The following GLDN variants were observed in gnomAD, a reference collection of about 807,000 sequenced individuals.
The protein encoded by GLDN is gliomedin.
Under a neutral mutation model 56.5 loss-of-function variants are expected in GLDN, and 47 were observed. The ratio of observed to expected loss-of-function variants is 0.83; its 90% confidence interval spans 0.66 to 1.06. GLDN has a LOEUF of 1.06. Among genes scored for constraint, GLDN ranks in the 50% least tolerant of loss-of-function variants. The probability of loss-of-function intolerance (pLI) is 0.00; values close to 1 mark genes in which losing one functional copy is unlikely to be tolerated. For missense variants in GLDN, 782 were observed against 714.3 expected (o/e 1.09, Z -1.08); for synonymous variants, 332 against 278.8 (o/e 1.19, Z -1.90).
At chr15:51,359,214 C>T (rs950747606) in intron 1 of GLDN, among the ~76,000 whole-genome samples, 1 of 152,188 alleles carries the variant, frequency 6.6e-6, no homozygotes, top group African/African-American at 2.4e-5. Context: ...CTTTTTCCCT[C>T]TCAGACTTAA....
chr15:51,380,994 C>G (rs888333923), intron 2 of GLDN, among the ~76,000 whole-genome samples: 4 of 152,164 alleles, frequency 2.6e-5, no homozygotes, highest in Non-Finnish European at 5.9e-5. Context: ...CACTCTAAAT[C>G]CAAACTGAAT....
At chr15:51,362,466 C>T (rs2037318448) in intron 1 of GLDN, among the ~76,000 whole-genome samples, 1 of 133,280 alleles carries the variant, frequency 7.5e-6, no homozygotes, top group Admixed American at 8.4e-5. Flanking sequence ...GCCTGGGTGA[C>T]AGAGCGAGAC....
Position 51,397,458 on chromosome 15 carries a change from C to A in GLDN, c.689-12C>A. 1 of 1,431,428 alleles carries A rather than the reference C, an allele frequency of 7.0e-7. No individual in the cohort carries two copies. 88.7% of individuals were successfully genotyped at this position (1,431,428 alleles called of 1,614,324 possible). Reference sequence around the variant, plus strand: ...TGCCTCCTTCTCTCCCTTTCTCTCTCTCTCTCTCCAGGTGCCAAAGGTGAC... The same window carrying A: ...TGCCTCCTTCTCTCCCTTTCTCTCTATCTCTCTCCAGGTGCCAAAGGTGAC... On this transcript the variant is annotated splice_polypyrimidine_tract_variant and intron_variant, in intron 5 of 9. Coordinates refer to ENST00000335449, the MANE Select transcript of GLDN (RefSeq NM_181789.4).
intron 1 of GLDN, chr15:51,369,236 A>G (rs978032850): frequency 1.1e-4 from 17 of 152,266 alleles, no homozygotes; most frequent in African/African-American, 3.6e-4. Context: ...GGTAAGGTGA[A>G]TTATCATCTC....
At chr15:51,378,085 A>T (rs1595821420) in intron 2 of GLDN, among the ~76,000 whole-genome samples, 1 of 152,280 alleles carries the variant, frequency 6.6e-6, no homozygotes, top group East Asian at 1.9e-4. Context: ...TTTTTCCCCA[A>T]TATTTCCCCC....
chr15:51,403,014 G>A (rs1193556445), intron 9 of GLDN, among the ~76,000 whole-genome samples: 1 of 152,200 alleles, frequency 6.6e-6, no homozygotes, highest in South Asian at 2.1e-4. Context: ...ATGTTATATA[G>A]GGCTATTGCC....
chr15:51,388,033 G>T (rs1374649090), intron 4 of GLDN, among the ~76,000 whole-genome samples: 2 of 152,126 alleles, frequency 1.3e-5, no homozygotes, highest in Non-Finnish European at 1.5e-5. Flanking sequence ...GAGTAGACTG[G>T]GGTGGGACTA....
At chr15:51,360,662 G>A (rs1312596680) in intron 1 of GLDN, 1 of 152,252 alleles carries the variant, frequency 6.6e-6, no homozygotes, top group Non-Finnish European at 1.5e-5. Flanking sequence ...GGGGTCCTAG[G>A]ACAGCCAATA....
chr15:51,403,971 G>T (rs2038312033), intron 9 of GLDN, among the ~76,000 whole-genome samples: 1 of 152,150 alleles, frequency 6.6e-6, no homozygotes, highest in South Asian at 2.1e-4. Flanking sequence ...GTGAAGTGGG[G>T]GTCACATGGC....
chr15:51,386,036 A>G (rs2037883997), intron 4 of GLDN, among the ~76,000 whole-genome samples: 1 of 152,180 alleles, frequency 6.6e-6, no homozygotes, highest in African/African-American at 2.4e-5. Context: ...GGAGCAGAGG[A>G]CAGCAGCAGA....
At position 51,383,439 on chromosome 15, in the gene GLDN, C is replaced by T. The variant is rs139274338; in HGVS notation, c.419C>T (p.Pro140Leu). 1.7e-4 allele frequency: 281 copies of T among 1,614,000 alleles called. 1 individual carries two copies. In the African/African-American group the frequency reaches 3.4e-3, roughly 20 times the overall value. ...NSTKGICLTG[P>L]SGPPGPPGAG... ...CTAAATTTTTTTTCCGTTGTAGGAC[C>T]TTCTGGACCACCAGGTAAGAGCCCA... The change falls in exon 3 of 10, where the codon CCT becomes CTT. Residue 140 changes from proline to leucine, a missense_variant. Coordinates refer to ENST00000335449, the MANE Select transcript of GLDN (RefSeq NM_181789.4).
At chr15:51,356,368 T>C (rs1465275993) in intron 1 of GLDN, among the ~76,000 whole-genome samples, 1 of 152,032 alleles carries the variant, frequency 6.6e-6, no homozygotes, top group Non-Finnish European at 1.5e-5. Context: ...AGGATGGTGG[T>C]GCTATGGACA....
At position 51,357,849 on chromosome 15, in the gene GLDN, G is replaced by A. The variant is rs546458681; in HGVS notation, c.363+15802G>A. Among the ~76,000 whole-genome samples the A allele has an allele frequency of 1.6e-4, 25 of 152,234 alleles. 1 individual carries two copies. The South Asian group carries it at 5.2e-3, about 32-fold the overall frequency. Reference sequence around the variant, plus strand: ...TTTAAGAATCATCTTTGGGCTAGGAGCCTAAGTTGAGGGAGGTGAAAATCC... The same window carrying A: ...TTTAAGAATCATCTTTGGGCTAGGAACCTAAGTTGAGGGAGGTGAAAATCC... On this transcript the variant is annotated intron_variant, in intron 1 of 9. Coordinates refer to ENST00000335449, the MANE Select transcript of GLDN (RefSeq NM_181789.4).
At chr15:51,349,833 G>C (rs1287514510) in intron 1 of GLDN, among the ~76,000 whole-genome samples, 2 of 151,646 alleles carry the variant, frequency 1.3e-5, no homozygotes. Flanking sequence ...TCTGCCTCCT[G>C]AGTTCAAGCG....
At chr15:51,365,956 C>T (rs189459135) in intron 1 of GLDN, among the ~76,000 whole-genome samples, 46 of 152,286 alleles carry the variant, frequency 3.0e-4, no homozygotes, top group African/African-American at 1.1e-3. Context: ...CTTTAAGAAA[C>T]AATTGTCCAG....
chr15:51,343,910 C>A (rs2036931518), intron 1 of GLDN, among the ~76,000 whole-genome samples: 1 of 152,224 alleles, frequency 6.6e-6, no homozygotes, highest in Admixed American at 6.5e-5. Context: ...ACCCTCATCC[C>A]CCCACCTCCT....
chr15:51,406,059 A>G lies in GLDN; in HGVS notation c.*1305A>G, dbSNP rs2038374228. ...CAGAGCCTGTTTTGTTTTGTTCTAA[A>G]CTAAGAAGCCGCATAGGATGTGACT... is the stretch of plus-strand genomic sequence containing the variant. On this transcript the variant is annotated 3_prime_UTR_variant, in exon 10 of 10. Coordinates refer to ENST00000335449, the MANE Select transcript of GLDN (RefSeq NM_181789.4). The G allele has an allele frequency of 6.6e-6, 1 of 152,216 alleles. No homozygotes were observed. Among genetic ancestry groups the G allele is most frequent in the African/African-American group, 2.4e-5 (1 of 41,452 alleles). 9.4% of individuals were successfully genotyped at this position (152,216 alleles called of 1,614,324 possible).
chr15:51,384,022 T>G, intron 4 of GLDN, 130 bp downstream of exon 4: 1 of 764,000 alleles, frequency 1.3e-6, no homozygotes, highest in Non-Finnish European at 2.3e-6. Context: ...GGTTTAACTC[T>G]TACCTAGAAG....
chr15:51,384,688 C>G (rs1181288430), intron 4 of GLDN: 1 of 152,514 alleles, frequency 6.6e-6, no homozygotes, highest in Non-Finnish European at 1.5e-5. Flanking sequence ...CTGGCACATG[C>G]TGTGGTGGGA....
Sources: allele counts gnomAD v4.1 joint callset (sites outside exome capture counted in the v4.1 genomes callset), GRCh38; gene constraint gnomAD v4.1.1; transcripts MANE v1.5; gene names NCBI Gene and HGNC (gene_info 2026-07-23, HGNC 2026-07-21).